Variants in TRANK1 observed in about 807,000 individuals in gnomAD.
TRANK1 encodes the protein TPR and ankyrin repeat-containing protein 1.
A neutral mutation model predicts 266.0 loss-of-function variants in TRANK1; 198 were observed. The ratio of observed to expected loss-of-function variants is 0.74; its 90% CI spans 0.66 to 0.84. The LOEUF (loss-of-function observed/expected upper bound fraction) is 0.84. TRANK1 is among the 40% of genes least tolerant of loss of function. TRANK1 has a pLI of 0.00. For synonymous variants in TRANK1, 1,396 were observed against 1,384.1 expected (o/e 1.01, Z -0.19); for missense variants, 3,326 against 3,634.6 (o/e 0.92, Z 2.18).
intron 1 of TRANK1, 63 bp from the exon 2 acceptor site, chr3:36,908,517 C>A: frequency 8.1e-7 from 1 of 1,231,892 alleles, no homozygotes; most frequent in South Asian, 4.2e-5. Flanking sequence ...ACCTTCCGGT[C>A]TGCATTGCTG....
intron 5 of TRANK1, 76 bp downstream of exon 5, chr3:36,895,564 T>C: frequency 3.6e-6 from 3 of 838,566 alleles, no homozygotes; most frequent in Non-Finnish European, 5.1e-6. Context: ...TAAATTACAA[T>C]CCCTCAATGC....
chr3:36,838,662 G>A lies in TRANK1; in HGVS notation c.5335C>T (p.Leu1779=). 1.2e-6 allele frequency: 2 copies of A among 1,613,898 alleles called. No homozygotes were observed. The highest frequency in any genetic ancestry group is 1.6e-4 in the Middle Eastern group (1 of 6,062). ...GGAFEKEKLA[L]AHDTALSMKS... is the part of the protein sequence containing the mutation. ...ATGCTCAGGGCAGTGTCATGGGCCA[G>A]GGCCAACTTCTCCTTCTCAAATGCA... Residue 1779 remains leucine, a synonymous_variant, in exon 19 of 24, where the codon CTG becomes TTG. Transcript: ENST00000645898.
intron 15 of TRANK1, 64 bp from the exon 16 acceptor site, chr3:36,847,410 C>T: frequency 1.3e-6 from 2 of 1,561,166 alleles, no homozygotes; most frequent in Admixed American, 1.8e-5. Context: ...TACAGCCTCC[C>T]TGAGCTTCAT....
At chr3:36,929,121 T>C (rs913362006) in intron 1 of TRANK1, among the ~76,000 whole-genome samples, 1 of 151,426 alleles carries the variant, frequency 6.6e-6, no homozygotes, top group African/African-American at 2.4e-5. Flanking sequence ...TCTAACATTT[T>C]AAAATACATA....
intron 18 of TRANK1, among the ~76,000 whole-genome samples, chr3:36,840,033 A>G (rs547704200): frequency 3.3e-5 from 5 of 152,324 alleles, no homozygotes; most frequent in African/African-American, 1.2e-4. Context: ...TCCCCTAAAA[A>G]GATTTTAGAT....
At chr3:36,848,625 A>T (rs2078945963) in intron 15 of TRANK1, among the ~76,000 whole-genome samples, 1 of 152,242 alleles carries the variant, frequency 6.6e-6, no homozygotes, top group Non-Finnish European at 1.5e-5. Context: ...TAAATGCCTT[A>T]AACACTGTCT....
In TRANK1 at chr3:36,832,850, T is replaced by A. The variant is rs753406217; in HGVS notation, c.6733A>T (p.Ile2245Phe). ...LLEAKKVFPK[I>F]LAEELKEIDY... ...ATTTCTTTAAGTTCTTCTGCTAAGATTTTAGGGAATACTTTTTTGGCTTCC... is the reference window on the plus strand; with the variant it reads ...ATTTCTTTAAGTTCTTCTGCTAAGAATTTAGGGAATACTTTTTTGGCTTCC... Residue 2245 changes from isoleucine (I) to phenylalanine (F), a missense_variant, in exon 22 of 24, where the codon ATC (isoleucine) becomes TTC (phenylalanine). Ile to Phe is a conservative substitution (Grantham distance 21, BLOSUM62 0). Coordinates refer to ENST00000645898, the MANE Select transcript of TRANK1 (RefSeq NM_001329998.2). 13 of 1,613,900 alleles carry A rather than the reference T, an allele frequency of 8.1e-6. No individual in the cohort carries two copies. The highest frequency in any genetic ancestry group is 5.0e-5 in the Admixed American group (3 of 60,004).
chr3:36,835,009 T>C, intron 20 of TRANK1, 102 bp from the exon 21 acceptor site: 2 of 1,225,268 alleles, frequency 1.6e-6, no homozygotes, highest in Non-Finnish European at 2.2e-6. Flanking sequence ...ATATGTCTGC[T>C]TTCTGTTAGA....
Position 36,833,576 on chromosome 3 carries a change from C to A in TRANK1, c.6007G>T (p.Asp2003Tyr), listed in dbSNP as rs1352621132. 6.2e-7 allele frequency: 1 copy of A among 1,613,954 alleles called. No homozygotes were observed. The highest frequency in any genetic ancestry group is 1.3e-5 in the African/African-American group (1 of 75,066). The change falls in exon 22 of 24, where the codon GAT becomes TAT. Residue 2003 changes from aspartate (D) to tyrosine (Y), a missense_variant. By Grantham distance (160) the Asp-to-Tyr change is radical. Coordinates refer to ENST00000645898, the MANE Select transcript of TRANK1 (RefSeq NM_001329998.2). ...TCCTTGGTGTGTTCTATGTCGGAATCCCTGGCCACATTGAGGCGGGCGGCC... is the reference window on the plus strand; with the variant it reads ...TCCTTGGTGTGTTCTATGTCGGAATACCTGGCCACATTGAGGCGGGCGGCC... ...LGAARLNVAR[D>Y]SDIEHTKDIL... is the part of the protein sequence containing the mutation.
chr3:36,851,341 T>C, intron 15 of TRANK1: 3 of 1,005,716 alleles, frequency 3.0e-6, no homozygotes, highest in Non-Finnish European at 2.4e-6. Context: ...CCCAGTTCTG[T>C]CATCACAGGG....
intron 15 of TRANK1, among the ~76,000 whole-genome samples, chr3:36,849,443 T>A (rs1445640060): frequency 6.6e-6 from 1 of 152,082 alleles, no homozygotes; most frequent in Non-Finnish European, 1.5e-5. Flanking sequence ...GTTCAACAGG[T>A]AACAATAAAC....
intron 8 of TRANK1, among the ~76,000 whole-genome samples, chr3:36,883,062 T>C (rs976265840): frequency 6.6e-6 from 1 of 152,068 alleles, no homozygotes; most frequent in Non-Finnish European, 1.5e-5. Context: ...CTCTCCTAGA[T>C]GAAAAGTTGA....
intron 8 of TRANK1, among the ~76,000 whole-genome samples, chr3:36,875,163 G>A (rs375013178): frequency 3.4e-4 from 51 of 152,234 alleles, no homozygotes; most frequent in African/African-American, 7.0e-4. Context: ...CTGCTGTGAT[G>A]AAATTTTGCA....
Position 36,827,023 on chromosome 3 carries a change from G to A in TRANK1, c.*1252C>T, listed in dbSNP as rs2078639312. On this transcript the variant is annotated 3_prime_UTR_variant, in exon 24 of 24. Coordinates refer to ENST00000645898, the MANE Select transcript of TRANK1 (RefSeq NM_001329998.2). The stretch of plus-strand genomic sequence containing the variant: ...ACAACAAGCAGCATGAGCAGCAAAA[G>A]CAGCAGCAACATGGGGGGAAAGCTG... 1 of 152,100 alleles carries A rather than the reference G, an allele frequency of 6.6e-6. No homozygotes were observed. Among genetic ancestry groups the A allele is most frequent in the Non-Finnish European group, 1.5e-5 (1 of 68,016 alleles). The allele number at this position is 152,100 out of a possible 1,614,324, so 9.4% of individuals were successfully genotyped here.
At chr3:36,843,128 G>A (rs541616855) in intron 17 of TRANK1, among the ~76,000 whole-genome samples, 1 of 152,236 alleles carries the variant, frequency 6.6e-6, no homozygotes, top group Admixed American at 6.5e-5. Context: ...TGTTGTTTAG[G>A]CCATCTAGTC....
At chr3:36,865,447 A>T (rs1013861911) in intron 9 of TRANK1, among the ~76,000 whole-genome samples, 1 of 152,222 alleles carries the variant, frequency 6.6e-6, no homozygotes, top group African/African-American at 2.4e-5. Context: ...ATCCAACTAC[A>T]TGTCAGCCAC....
rs897574041 is a variant in TRANK1 at position 36,908,322 on chromosome 3, C to T, written c.155+1G>A. The T allele has an allele frequency of 9.7e-6, 12 of 1,232,210 alleles. No individual in the cohort carries two copies. The African/African-American group carries it at 1.5e-4, about 16-fold the overall frequency. The allele number at this position is 1,232,210 out of a possible 1,614,324, so 76.3% of individuals were successfully genotyped here. A position where few individuals can be genotyped will look rare whatever the true frequency, so the allele number is the denominator to read the frequency against. ...GATGAGGTGAAAATGCAAACACTTA[C>T]CCCCACTGGTATAACTGCAGGAGAA... is the stretch of plus-strand genomic sequence containing the variant. On this transcript the variant is annotated splice_donor_variant, in intron 2 of 23. Transcript: ENST00000645898. LOFTEE classifies it high-confidence loss of function.
At chr3:36,903,039 C>A in intron 3 of TRANK1, 110 bp downstream of exon 3, 1 of 1,365,924 alleles carries the variant, frequency 7.3e-7, no homozygotes, top group Non-Finnish European at 9.7e-7. Flanking sequence ...GCAGCAGCTG[C>A]CACCCCCAGG....
chr3:36,916,089 T>A (rs2080120245), intron 1 of TRANK1, among the ~76,000 whole-genome samples: 1 of 152,222 alleles, frequency 6.6e-6, no homozygotes, highest in Non-Finnish European at 1.5e-5. Flanking sequence ...TTTTATACTA[T>A]ACAATACAGA....
Sources: gnomAD v4.1 joint callset for allele counts (sites outside exome capture counted in the v4.1 genomes callset) on GRCh38, gnomAD v4.1.1 for gene constraint, MANE v1.5 for transcripts, NCBI Gene and HGNC (gene_info 2026-07-23, HGNC 2026-07-21) for gene names.